Variants in NPAS3 observed in about 807,000 individuals in gnomAD.
The protein encoded by NPAS3 is neuronal PAS domain-containing protein 3.
A neutral mutation model predicts 73.1 loss-of-function variants in NPAS3; 14 were observed. The observed-to-expected ratio is 0.19, with a 90% CI of 0.13 to 0.30. The LOEUF (loss-of-function observed/expected upper bound fraction) is 0.30. Among genes scored for constraint, NPAS3 ranks in the 10% least tolerant of loss-of-function variants. The pLI is 1.00. For missense variants in NPAS3, 1,096 were observed against 1,250.0 expected (o/e 0.88, Z 1.86); for synonymous variants, 620 against 541.5 (o/e 1.14, Z -2.01).
chr14:33,713,143 A>G (rs1595486299), intron 6 of NPAS3, among the ~76,000 whole-genome samples: 1 of 152,200 alleles, frequency 6.6e-6, no homozygotes, highest in East Asian at 1.9e-4. Flanking sequence ...ATCATCTACT[A>G]TCTGCCAACA....
chr14:33,521,483 G>A (rs1471913575), intron 4 of NPAS3, among the ~76,000 whole-genome samples: 1 of 139,294 alleles, frequency 7.2e-6, no homozygotes, highest in Non-Finnish European at 1.5e-5. Context: ...AGGCTTGATA[G>A]AAGTGATGAT....
intron 6 of NPAS3, among the ~76,000 whole-genome samples, chr14:33,718,987 G>T (rs1023896815): frequency 6.6e-6 from 1 of 152,102 alleles, no homozygotes; most frequent in Admixed American, 6.5e-5. Flanking sequence ...ATCTAGCCAG[G>T]TGTGGTGGTG....
intron 3 of NPAS3, among the ~76,000 whole-genome samples, chr14:33,324,454 T>C (rs1405962875): frequency 2.0e-5 from 3 of 152,204 alleles, no homozygotes; most frequent in Admixed American, 2.0e-4. Context: ...TTGCTTCTAG[T>C]GTGATTATCG....
chr14:33,509,727 C>T (rs995217480), intron 4 of NPAS3, among the ~76,000 whole-genome samples: 24 of 151,992 alleles, frequency 1.6e-4, no homozygotes, highest in African/African-American at 5.8e-4. Flanking sequence ...GGCAAGATCA[C>T]TGAACTAATG....
intron 1 of NPAS3, among the ~76,000 whole-genome samples, chr14:33,016,223 G>T (rs953414511): frequency 3.9e-5 from 6 of 152,092 alleles, no homozygotes; most frequent in Admixed American, 2.6e-4. Context: ...CTGTAACTGA[G>T]AATTTAGGCA....
At chr14:32,935,099 G>A (rs1259631901), upstream of NPAS3, 2 of 609,794 alleles carry the variant, frequency 3.3e-6, no homozygotes, top group East Asian at 5.9e-5. Flanking sequence ...CAACACACAT[G>A]CACATTGCCA....
At chr14:33,435,022 A>G (rs1195702317) in intron 4 of NPAS3, among the ~76,000 whole-genome samples, 2 of 152,214 alleles carry the variant, frequency 1.3e-5, no homozygotes, top group African/African-American at 4.8e-5. Context: ...GAATAGACTC[A>G]CCTGCAGATT....
intron 4 of NPAS3, among the ~76,000 whole-genome samples, chr14:33,384,278 T>C (rs1031119549): frequency 6.6e-6 from 1 of 152,182 alleles, no homozygotes; most frequent in African/African-American, 2.4e-5. Context: ...GTATTTAAAT[T>C]CTGTATTTTA....
intron 5 of NPAS3, among the ~76,000 whole-genome samples, chr14:33,584,669 G>A (rs960365990): frequency 5.9e-5 from 9 of 152,282 alleles, no homozygotes; most frequent in Admixed American, 2.6e-4. Context: ...ACAGAGTTTA[G>A]AGCCTCATGA....
chr14:33,296,839 C>G (rs34049424), intron 3 of NPAS3, among the ~76,000 whole-genome samples: 1 of 151,994 alleles, frequency 6.6e-6, no homozygotes, highest in African/African-American at 2.4e-5. Flanking sequence ...AAACTGGGAG[C>G]TACTTATAGG....
intron 6 of NPAS3, among the ~76,000 whole-genome samples, chr14:33,711,085 T>C (rs2060805810): frequency 6.6e-6 from 1 of 152,210 alleles, no homozygotes; most frequent in Non-Finnish European, 1.5e-5. Flanking sequence ...ATTAGTATTT[T>C]TCTTTTTACC....
chr14:33,732,730 C>T (rs1304139631), intron 6 of NPAS3, among the ~76,000 whole-genome samples: 1 of 152,108 alleles, frequency 6.6e-6, no homozygotes. Flanking sequence ...CTTAACACTC[C>T]CCGCTTACAC....
At chr14:33,157,008 A>G (rs1245703143) in intron 2 of NPAS3, among the ~76,000 whole-genome samples, 2 of 152,150 alleles carry the variant, frequency 1.3e-5, no homozygotes, top group African/African-American at 4.8e-5. Context: ...GAGGAACTCT[A>G]AAAAAAGAAG....
intron 2 of NPAS3, among the ~76,000 whole-genome samples, chr14:33,210,894 G>A (rs761499912): frequency 6.6e-6 from 1 of 152,082 alleles, no homozygotes; most frequent in Non-Finnish European, 1.5e-5. Flanking sequence ...ATAGACCATA[G>A]GCAAAATGAG....
At chr14:32,972,222 G>A (rs2037463430) in intron 1 of NPAS3, among the ~76,000 whole-genome samples, 1 of 152,112 alleles carries the variant, frequency 6.6e-6, no homozygotes, top group African/African-American at 2.4e-5. Context: ...ACAGGCGTGA[G>A]CCACCGCGCC....
intron 9 of NPAS3, among the ~76,000 whole-genome samples, chr14:33,780,147 C>G (rs991925684): frequency 2.0e-5 from 3 of 152,194 alleles, no homozygotes; most frequent in Admixed American, 1.3e-4. Context: ...CTGGAAAGAG[C>G]CTGCCTGCAA....
intron 3 of NPAS3, among the ~76,000 whole-genome samples, chr14:33,339,674 G>C (rs959320068): frequency 3.3e-5 from 5 of 152,248 alleles, no homozygotes; most frequent in Non-Finnish European, 5.9e-5. Flanking sequence ...TTTTAGTCCT[G>C]TCAAATGACA....
chr14:33,696,728 C>T (rs1409975617), intron 6 of NPAS3, among the ~76,000 whole-genome samples: 1 of 152,174 alleles, frequency 6.6e-6, no homozygotes, highest in Non-Finnish European at 1.5e-5. Flanking sequence ...AGTACATTTG[C>T]TGTAAACCCA....
At chr14:33,758,521 G>GA (rs1422763449) in intron 7 of NPAS3, among the ~76,000 whole-genome samples, 1 of 152,210 alleles carries the variant, frequency 6.6e-6, no homozygotes, top group Non-Finnish European at 1.5e-5. Flanking sequence ...TTAAATAGGG[G>GA]AAAAGAAAGA....
Sources: allele counts gnomAD v4.1 joint callset (sites outside exome capture counted in the v4.1 genomes callset), GRCh38; gene constraint gnomAD v4.1.1; transcripts MANE v1.5; gene names NCBI Gene and HGNC (gene_info 2026-07-23, HGNC 2026-07-21).